Variants in PRKG1 observed in about 807,000 individuals in gnomAD.
PRKG1 encodes protein kinase cGMP-dependent 1, also known as cGMP-dependent protein kinase 1.
PRKG1 carries 35 observed loss-of-function variants against 88.1 expected under a neutral mutation model. That is an observed-to-expected ratio of 0.40 (90% CI 0.30 to 0.53). PRKG1 has a LOEUF of 0.53. Among genes scored for constraint, PRKG1 ranks in the 20% least tolerant of loss-of-function variants. The pLI is 0.59. For synonymous variants in PRKG1, 303 were observed against 292.5 expected (o/e 1.04, Z -0.37); for missense variants, 540 against 839.8 (o/e 0.64, Z 4.41).
At chr10:51,117,725 G>T (rs4935012) in intron 1 of PRKG1, among the ~76,000 whole-genome samples, 121,499 of 152,170 alleles carry the variant, frequency 0.8, 49,084 homozygotes, top group South Asian at 0.88. Context: ...ATTTTTGATA[G>T]CTTTGTAAGA....
intron 10 of PRKG1, among the ~76,000 whole-genome samples, chr10:52,267,044 CA>C (rs1273712690): frequency 3.4e-5 from 1 of 29,660 alleles, no homozygotes; most frequent in Non-Finnish European, 7.8e-5. Context: ...GCTAAAAAAT[CA>C]TCATCATCAT....
chr10:51,944,594 T>G (rs866752654), intron 5 of PRKG1, among the ~76,000 whole-genome samples: 4 of 152,138 alleles, frequency 2.6e-5, no homozygotes, highest in African/African-American at 4.8e-5. Context: ...GGGCATTTAG[T>G]GCTATAAATT....
intron 2 of PRKG1, among the ~76,000 whole-genome samples, chr10:51,465,018 A>G (rs1839861520): frequency 6.6e-6 from 1 of 152,230 alleles, no homozygotes; most frequent in African/African-American, 2.4e-5. Context: ...AATAGGAAAC[A>G]TAATTTGTTA....
intron 4 of PRKG1, among the ~76,000 whole-genome samples, chr10:51,843,624 C>T (rs1006616846): frequency 6.6e-6 from 1 of 152,134 alleles, no homozygotes; most frequent in Non-Finnish European, 1.5e-5. Context: ...CAGCTATGCT[C>T]ACTGCTGCAC....
intron 4 of PRKG1, among the ~76,000 whole-genome samples, chr10:51,885,397 G>A (rs6480539): frequency 0.75 from 114,291 of 152,182 alleles, 43,398 homozygotes; most frequent in African/African-American, 0.87. Context: ...ATTTTCTCAT[G>A]TAATTGGCCA....
chr10:52,212,910 A>G (rs1317972624), intron 9 of PRKG1, among the ~76,000 whole-genome samples: 1 of 152,200 alleles, frequency 6.6e-6, no homozygotes, highest in African/African-American at 2.4e-5. Flanking sequence ...ATTGAACAGG[A>G]ATTTCAACAT....
chr10:51,064,373 A>T (rs1196890452), intron 1 of PRKG1, among the ~76,000 whole-genome samples: 1 of 152,210 alleles, frequency 6.6e-6, no homozygotes, highest in African/African-American at 2.4e-5. Context: ...TTTGTTGAAG[A>T]TCTAGAAGTT....
At chr10:51,033,532 T>A (rs1843314361) in intron 1 of PRKG1, among the ~76,000 whole-genome samples, 1 of 152,218 alleles carries the variant, frequency 6.6e-6, no homozygotes, top group Non-Finnish European at 1.5e-5. Flanking sequence ...CATCCCTTAA[T>A]GTCAGGATAA....
intron 9 of PRKG1, among the ~76,000 whole-genome samples, chr10:52,186,621 T>C (rs981172932): frequency 1.3e-5 from 2 of 152,000 alleles, no homozygotes; most frequent in African/African-American, 4.8e-5. Flanking sequence ...GTAGCATGTT[T>C]AGTAGCATCA....
chr10:51,278,562 C>A (rs12242472), intron 2 of PRKG1, among the ~76,000 whole-genome samples: 2,630 of 152,176 alleles, frequency 0.017, 77 homozygotes, highest in African/African-American at 0.059. Context: ...TGGTAGAATT[C>A]GGCTGTGAAT....
At chr10:51,656,216 C>A (rs1385728499) in intron 3 of PRKG1, among the ~76,000 whole-genome samples, 1 of 152,146 alleles carries the variant, frequency 6.6e-6, no homozygotes, top group South Asian at 2.1e-4. Context: ...GTTAAGTGAA[C>A]TTTTCTCTTC....
intron 3 of PRKG1, among the ~76,000 whole-genome samples, chr10:51,701,138 T>C (rs1192582955): frequency 6.6e-6 from 1 of 152,242 alleles, no homozygotes; most frequent in Non-Finnish European, 1.5e-5. Flanking sequence ...TCATTTTACT[T>C]TTTTAAATGT....
chr10:51,171,151 T>C (rs1449976155), intron 2 of PRKG1, among the ~76,000 whole-genome samples: 2 of 152,060 alleles, frequency 1.3e-5, no homozygotes, highest in East Asian at 1.9e-4. Context: ...TGAGACACAG[T>C]GAGGAGTGAA....
At chr10:51,890,442 A>G (rs1278619200) in intron 4 of PRKG1, among the ~76,000 whole-genome samples, 1 of 152,220 alleles carries the variant, frequency 6.6e-6, no homozygotes, top group Non-Finnish European at 1.5e-5. Flanking sequence ...AAAATCTCTT[A>G]CAAGATATTC....
chr10:52,184,295 G>T (rs759714508), intron 9 of PRKG1, among the ~76,000 whole-genome samples: 8 of 152,032 alleles, frequency 5.3e-5, no homozygotes, highest in Non-Finnish European at 1.0e-4. Context: ...AGTTTCATAT[G>T]GTTCAACCTA....
chr10:51,702,092 C>G (rs971928381), intron 3 of PRKG1, among the ~76,000 whole-genome samples: 13 of 152,154 alleles, frequency 8.5e-5, no homozygotes, highest in Non-Finnish European at 1.5e-4. Context: ...TATGAATTTA[C>G]TATTAATATA....
intron 2 of PRKG1, among the ~76,000 whole-genome samples, chr10:51,335,499 A>G (rs936847187): frequency 2.0e-5 from 3 of 152,096 alleles, no homozygotes; most frequent in African/African-American, 7.2e-5. Context: ...TCAGAATTTA[A>G]TATAATTTAG....
Position 51,110,263 on chromosome 10 carries a change from A to G in PRKG1, c.311+35362A>G, listed in dbSNP as rs189318128. On this transcript the variant is annotated intron_variant, in intron 1 of 17. Transcript: ENST00000373980. The stretch of plus-strand genomic sequence containing the variant: ...AAGACTTGTGGGGTGTCCATAGCAG[A>G]TTTATTTGTAATAGCTAGAAACTGG... Among the ~76,000 whole-genome samples the G allele has an allele frequency of 1.9e-3, 291 of 152,270 alleles. 1 individual carries two copies. The highest frequency in any genetic ancestry group is 0.017 in the Middle Eastern group (5 of 294).
chr10:51,082,212 G>A (rs1160532287), intron 1 of PRKG1, among the ~76,000 whole-genome samples: 1 of 152,142 alleles, frequency 6.6e-6, no homozygotes, highest in African/African-American at 2.4e-5. Context: ...GAGCTCCAGA[G>A]CTTTTCTCCT....
Sources: gnomAD v4.1 joint callset for allele counts (sites outside exome capture counted in the v4.1 genomes callset) on GRCh38, gnomAD v4.1.1 for gene constraint, MANE v1.5 for transcripts, NCBI Gene and HGNC (gene_info 2026-07-23, HGNC 2026-07-21) for gene names.